The following TNNI3K variants were observed in gnomAD, a reference collection of about 807,000 sequenced individuals.
TNNI3K encodes the protein serine/threonine-protein kinase TNNI3K.
TNNI3K carries 140 observed loss-of-function variants against 114.5 expected under a neutral mutation model. That is an observed-to-expected ratio of 1.22 (90% CI 1.07 to 1.41). The LOEUF is 1.41. Ranked by LOEUF, TNNI3K falls within the 40% of genes most tolerant of loss-of-function variation. The probability of loss-of-function intolerance (pLI) is 0.00; values close to 1 mark genes in which losing one functional copy is unlikely to be tolerated. For synonymous variants in TNNI3K, 347 were observed against 347.5 expected, an observed-to-expected ratio of 1.00 and a Z score of 0.02; for missense variants, 1,125 against 1,007.6, an observed-to-expected ratio of 1.12 and a Z score of -1.58.
rs34656417 is a variant in TNNI3K, at chr1:74,391,957, A to ATTTTTTTTTTTTTTTTTTTT, written c.1772+21572_1772+21591dup. ...TTGATTTAGGATGGTACAGCTTATT[A>ATTTTTTTTTTTTTTTTTTTT]TTTTTTTTTTTTTTTTTTTTTTTTT... On this transcript the variant is annotated intron_variant, in intron 17 of 24. Transcript: ENST00000326637. 8.6e-5 allele frequency among the ~76,000 whole-genome samples: 8 copies of ATTTTTTTTTTTTTTTTTTTT among 92,988 alleles called. 1 individual carries two copies. Among genetic ancestry groups the ATTTTTTTTTTTTTTTTTTTT allele is most frequent in the African/African-American group, 2.3e-4 (6 of 25,650 alleles). 61.0% of individuals were successfully genotyped at this position (92,988 alleles called of 152,430 possible).
rs114839913 is a variant in TNNI3K, at chr1:74,249,987, C to T, written c.235+443C>T. Among the ~76,000 whole-genome samples, 546 of 152,182 alleles carry T rather than the reference C, an allele frequency of 3.6e-3. 1 individual carries two copies. Among genetic ancestry groups the T allele is most frequent in the Non-Finnish European group, 4.3e-3 (295 of 67,988 alleles). On this transcript the variant is annotated intron_variant, in intron 3 of 24. Transcript: ENST00000326637. ...AGTGAAGATTAAGAGTTTAATTTGGCCTACACTTTAGTTTGTTTTGTTTAT... is the reference window on the plus strand; with the variant it reads ...AGTGAAGATTAAGAGTTTAATTTGGTCTACACTTTAGTTTGTTTTGTTTAT...
intron 17 of TNNI3K, chr1:74,371,754 T>C (rs1397502027): frequency 6.6e-6 from 1 of 151,346 alleles, no homozygotes; most frequent in Non-Finnish European, 1.5e-5. Flanking sequence ...TATTTCAGAT[T>C]TTTTTTCCTG....
chr1:74,413,871 T>A (rs699845), intron 17 of TNNI3K, among the ~76,000 whole-genome samples: 1 of 152,126 alleles, frequency 6.6e-6, no homozygotes, highest in Non-Finnish European at 1.5e-5. Context: ...GTTCTTTTAA[T>A]GGTGTGATTG....
chr1:74,406,148 T>A (rs942755204), intron 17 of TNNI3K, among the ~76,000 whole-genome samples: 5 of 152,210 alleles, frequency 3.3e-5, no homozygotes, highest in Non-Finnish European at 7.3e-5. Context: ...TTCTTGTGGT[T>A]GTAGGACTGA....
chr1:74,423,721 A>G lies in TNNI3K; in HGVS notation c.1773-12359A>G, dbSNP rs191773948. Among the ~76,000 whole-genome samples, 46 of 152,214 alleles carry G rather than the reference A, an allele frequency of 3.0e-4. No homozygotes were observed. In the East Asian group the frequency reaches 8.5e-3, roughly 28 times the overall value. The stretch of plus-strand genomic sequence containing the variant: ...TAGTCACACATCACATATTCTCCTT[A>G]CACATTCTCATAAGATTTTCTAAGC... On this transcript the variant is annotated intron_variant, in intron 17 of 24. Transcript: ENST00000326637.
At chr1:74,351,191 G>T (rs1251921024) in intron 9 of TNNI3K, among the ~76,000 whole-genome samples, 1 of 151,932 alleles carries the variant, frequency 6.6e-6, no homozygotes, top group Non-Finnish European at 1.5e-5. Context: ...GTATTTGCTT[G>T]TCTGTAAAGT....
chr1:74,502,374 A>G (rs1570710111), intron 23 of TNNI3K, among the ~76,000 whole-genome samples: 1 of 152,358 alleles, frequency 6.6e-6, no homozygotes, highest in Middle Eastern at 3.4e-3. Context: ...AATCTTGTGA[A>G]GTATGCCTCA....
At chr1:74,479,466 T>C (rs1230026649) in intron 21 of TNNI3K, among the ~76,000 whole-genome samples, 1 of 152,170 alleles carries the variant, frequency 6.6e-6, no homozygotes, top group African/African-American at 2.4e-5. Flanking sequence ...ACAGAAATCT[T>C]AGAAGAATTC....
chr1:74,464,829 A>C, intron 21 of TNNI3K: 1 of 1,453,014 alleles, frequency 6.9e-7, no homozygotes, highest in Middle Eastern at 1.8e-4. Context: ...GCTCCATGAA[A>C]GCGGTCCTTT....
chr1:74,316,284 T>C (rs1659298238), intron 5 of TNNI3K, among the ~76,000 whole-genome samples: 1 of 152,198 alleles, frequency 6.6e-6, no homozygotes, highest in African/African-American at 2.4e-5. Flanking sequence ...TAACTTGATC[T>C]CCTTTCCTCT....
At chr1:74,487,036 G>A (rs556169256) in intron 21 of TNNI3K, among the ~76,000 whole-genome samples, 42 of 152,214 alleles carry the variant, frequency 2.8e-4, no homozygotes, top group Non-Finnish European at 5.3e-4. Context: ...ATTAGAGACC[G>A]CAAATTTGGA....
chr1:74,394,018 T>C, intron 17 of TNNI3K, among the ~76,000 whole-genome samples: 1 of 152,154 alleles, frequency 6.6e-6, no homozygotes, highest in East Asian at 1.9e-4. Flanking sequence ...CATACAGCCA[T>C]GGGATAAAAA....
At chr1:74,403,867 A>C (rs2100596325) in intron 17 of TNNI3K, among the ~76,000 whole-genome samples, 1 of 152,206 alleles carries the variant, frequency 6.6e-6, no homozygotes, top group African/African-American at 2.4e-5. Flanking sequence ...GAGAGAGCTG[A>C]GTATTTGTTT....
chr1:74,340,583 T>C (rs1226394306), intron 7 of TNNI3K, among the ~76,000 whole-genome samples: 2 of 152,180 alleles, frequency 1.3e-5, no homozygotes, highest in Non-Finnish European at 2.9e-5. Flanking sequence ...TCAGCCACTG[T>C]GGATAATTCA....
At position 74,504,966 on chromosome 1, in the gene TNNI3K, A is replaced by G. The variant is rs1669818584; in HGVS notation, c.2351+12700A>G. On this transcript the variant is annotated intron_variant, in intron 23 of 24. Coordinates refer to ENST00000326637, the MANE Select transcript of TNNI3K (RefSeq NM_015978.3). ...TCGCCGGAGGCAAACTGCTAAATAA[A>G]TGGTGACAGATTTCTCAGTTTTCAA... Among the ~76,000 whole-genome samples, 3 of 152,210 alleles carry G rather than the reference A, an allele frequency of 2.0e-5. No homozygotes were observed. The South Asian group carries it at 6.2e-4, about 32-fold the overall frequency.
intron 21 of TNNI3K, among the ~76,000 whole-genome samples, chr1:74,465,453 C>T (rs193272124): frequency 1.2e-3 from 189 of 152,324 alleles, no homozygotes; most frequent in African/African-American, 4.3e-3. Flanking sequence ...CTGGCCCGCC[C>T]GCACCGTGCT....
intron 23 of TNNI3K, among the ~76,000 whole-genome samples, chr1:74,536,884 A>C (rs1387001738): frequency 1.3e-5 from 2 of 152,154 alleles, no homozygotes; most frequent in Non-Finnish European, 2.9e-5. Context: ...AATTTCAGCA[A>C]ATAGAGGTCC....
chr1:74,530,772 A>C (rs1251227987), intron 23 of TNNI3K, among the ~76,000 whole-genome samples: 2 of 151,564 alleles, frequency 1.3e-5, no homozygotes, highest in South Asian at 4.2e-4. Flanking sequence ...GAGGGATATG[A>C]AAGATTTTGC....
intron 4 of TNNI3K, among the ~76,000 whole-genome samples, chr1:74,255,471 C>T (rs952799371): frequency 7.9e-5 from 12 of 152,062 alleles, no homozygotes; most frequent in South Asian, 2.1e-4. Flanking sequence ...CTGGTTCGAA[C>T]GCCTCTGACA....
Sources: gnomAD v4.1 joint callset for allele counts (sites outside exome capture counted in the v4.1 genomes callset) on GRCh38, gnomAD v4.1.1 for gene constraint, MANE v1.5 for transcripts, NCBI Gene and HGNC (gene_info 2026-07-23, HGNC 2026-07-21) for gene names.